INPP5B: variants seen among roughly 807,000 people sequenced by gnomAD.
The protein encoded by INPP5B is type II inositol 1,4,5-trisphosphate 5-phosphatase.
A neutral mutation model predicts 118.5 loss-of-function variants in INPP5B; 90 were observed. The ratio of observed to expected loss-of-function variants is 0.76; its 90% CI spans 0.64 to 0.90. INPP5B has a LOEUF of 0.90. Ranked by LOEUF, INPP5B falls within the 40% of genes least tolerant of loss-of-function variation. The probability of loss-of-function intolerance (pLI) is 0.00; values close to 1 mark genes in which losing one functional copy is unlikely to be tolerated. For synonymous variants in INPP5B, 385 were observed against 418.9 expected, an observed-to-expected ratio of 0.92 and a Z score of 0.99; for missense variants, 984 against 1,125.6, an observed-to-expected ratio of 0.87 and a Z score of 1.80.
At chr1:37,890,892 G>A (rs958680362) in intron 8 of INPP5B, among the ~76,000 whole-genome samples, 2 of 152,020 alleles carry the variant, frequency 1.3e-5, no homozygotes, top group African/African-American at 4.8e-5. Flanking sequence ...AATAAGAGCA[G>A]GGTGCCTGGC....
At chr1:37,920,523 G>A (rs921792685) in intron 7 of INPP5B, among the ~76,000 whole-genome samples, 2 of 151,940 alleles carry the variant, frequency 1.3e-5, no homozygotes, top group African/African-American at 4.8e-5. Context: ...GTATTACCCA[G>A]GTGTGGTGGT....
chr1:37,862,414 G>C lies in INPP5B; in HGVS notation c.2643C>G (p.Ser881Arg). The C allele has an allele frequency of 1.2e-6, 2 of 1,611,782 alleles. No homozygotes were observed. Among genetic ancestry groups the C allele is most frequent in the Non-Finnish European group, 1.7e-6 (2 of 1,177,960 alleles). ...DENILASIFG[S>R]LLLRNPAGHQ... ...GACCAGCTGGGTTTCGAAGCAATAA[G>C]CTGCCAAATATGCTAGCTGCAAGAA... Residue 881 changes from serine (S) to arginine (R), a missense_variant, in exon 24 of 24, where the codon AGC becomes AGG. By Grantham distance (110) the Ser-to-Arg change is moderately radical (BLOSUM62 -1). Transcript: ENST00000373024.
chr1:37,908,509 G>A (rs891166154), intron 7 of INPP5B, among the ~76,000 whole-genome samples: 2 of 151,958 alleles, frequency 1.3e-5, no homozygotes, highest in Non-Finnish European at 2.9e-5. Context: ...GCTAAGAGGC[G>A]GGAGGATAGC....
chr1:37,936,068 AAAAT>A (rs1443818796), intron 6 of INPP5B, among the ~76,000 whole-genome samples: 1 of 151,936 alleles, frequency 6.6e-6, no homozygotes, highest in Non-Finnish European at 1.5e-5. Flanking sequence ...TCCGTATCAA[AAAAT>A]AAATAAATAA....
intron 6 of INPP5B, among the ~76,000 whole-genome samples, chr1:37,932,363 C>CTTTTTTTTTTTTTTTTTTTTT (rs58150703): frequency 1.1e-5 from 1 of 87,808 alleles, no homozygotes; most frequent in Non-Finnish European, 2.2e-5. Flanking sequence ...CTTTTCTTTT[C>CTTTTTTTTTTTTTTTTTTTTT]TTTTTTTTTT....
At chr1:37,910,657 C>A (rs1462495614) in intron 7 of INPP5B, among the ~76,000 whole-genome samples, 1 of 152,112 alleles carries the variant, frequency 6.6e-6, no homozygotes, top group Non-Finnish European at 1.5e-5. Flanking sequence ...CCACAGCACG[C>A]TTTAAAAGGA....
rs545383115 is a variant in INPP5B at position 37,901,001 on chromosome 1, G to A, written c.533-9547C>T. ...TAATTTTTGTATTTTTCGTAGAGAT[G>A]GGATTTCACAATGTTGGTCAGGCTG... On this transcript the variant is annotated intron_variant, in intron 7 of 23. Coordinates refer to ENST00000373024, the MANE Select transcript of INPP5B (RefSeq NM_005540.3). 2.6e-5 allele frequency among the ~76,000 whole-genome samples: 4 copies of A among 152,048 alleles called. No homozygotes were observed. The South Asian group carries it at 6.2e-4, about 24-fold the overall frequency.
At chr1:37,946,216 G>A (rs1406886737) in intron 2 of INPP5B, 36 bp downstream of exon 2, 8 of 1,590,124 alleles carry the variant, frequency 5.0e-6, no homozygotes, top group Non-Finnish European at 6.0e-6. Flanking sequence ...CAAGGCCAGG[G>A]CAGGCTCAGG....
At position 37,883,804 on chromosome 1, in the gene INPP5B, A is replaced by G. The variant is rs927495411; in HGVS notation, c.1320-886T>C. ...TCCAGATAGTTCCACCTCGGCAGGCAGGACAAGAGGCGTTAACTCTGTTTA... is the reference window on the plus strand; with the variant it reads ...TCCAGATAGTTCCACCTCGGCAGGCGGGACAAGAGGCGTTAACTCTGTTTA... On this transcript the variant is annotated intron_variant, in intron 13 of 23. Coordinates refer to ENST00000373024, the MANE Select transcript of INPP5B (RefSeq NM_005540.3). 3 of 985,338 alleles carry G rather than the reference A, an allele frequency of 3.0e-6. No individual in the cohort carries two copies. In the African/African-American group the frequency reaches 5.2e-5, roughly 17 times the overall value. The allele number at this position is 985,338 out of a possible 1,614,324, so 61.0% of individuals were successfully genotyped here.
At chr1:37,946,360 G>A (rs781778109) in intron 1 of INPP5B, 26 bp from the exon 2 acceptor site, 32 of 1,564,898 alleles carry the variant, frequency 2.0e-5, no homozygotes, top group African/African-American at 2.7e-5. Flanking sequence ...TAGGAGCCCC[G>A]CTTTGGTCAA....
At chr1:37,867,363 T>C (rs1261317138) in intron 20 of INPP5B, among the ~76,000 whole-genome samples, 1 of 152,242 alleles carries the variant, frequency 6.6e-6, no homozygotes, top group Non-Finnish European at 1.5e-5. Context: ...GCTCAAAAGT[T>C]CCATTTGAAA....
intron 7 of INPP5B, chr1:37,930,114 T>C (rs1645393509): frequency 6.6e-6 from 1 of 152,160 alleles, no homozygotes; most frequent in South Asian, 2.1e-4. Context: ...CAGCAACTAA[T>C]TCACAGGATC....
At chr1:37,927,930 T>C (rs1413179884) in intron 7 of INPP5B, among the ~76,000 whole-genome samples, 1 of 152,114 alleles carries the variant, frequency 6.6e-6, no homozygotes, top group Non-Finnish European at 1.5e-5. Flanking sequence ...TTTGAAAGAA[T>C]CATCAAAGAT....
At chr1:37,867,492 T>C (rs566218432) in intron 20 of INPP5B, among the ~76,000 whole-genome samples, 53 of 152,290 alleles carry the variant, frequency 3.5e-4, no homozygotes, top group African/African-American at 1.2e-3. Context: ...TTAACCAAGT[T>C]ATTCACCTTT....
chr1:37,919,130 C>A (rs770665402), intron 7 of INPP5B, among the ~76,000 whole-genome samples: 1 of 152,194 alleles, frequency 6.6e-6, no homozygotes, highest in Non-Finnish European at 1.5e-5. Flanking sequence ...AAACTATAAA[C>A]TCCCAAGGGT....
intron 5 of INPP5B, among the ~76,000 whole-genome samples, chr1:37,941,853 G>A (rs1645927691): frequency 7.7e-6 from 1 of 129,984 alleles, no homozygotes. Flanking sequence ...CAGGAGAATG[G>A]CGTGAACCCG....
chr1:37,946,159 G>A, intron 2 of INPP5B, 93 bp downstream of exon 2: 2 of 1,195,812 alleles, frequency 1.7e-6, no homozygotes, highest in Non-Finnish European at 2.4e-6. Context: ...ATGGTTCAGA[G>A]GGGCAGGAGA....
chr1:37,881,188 A>G (rs1224103814), intron 14 of INPP5B, among the ~76,000 whole-genome samples: 2 of 152,268 alleles, frequency 1.3e-5, no homozygotes, highest in Non-Finnish European at 2.9e-5. Context: ...ACATAAAGAT[A>G]GAACTGCGTT....
intron 7 of INPP5B, among the ~76,000 whole-genome samples, chr1:37,901,108 C>A (rs1276075239): frequency 6.6e-6 from 1 of 152,230 alleles, no homozygotes; most frequent in Non-Finnish European, 1.5e-5. Context: ...CCACGCCCGA[C>A]CTGATATTAA....
Sources: allele counts gnomAD v4.1 joint callset (sites outside exome capture counted in the v4.1 genomes callset), GRCh38; gene constraint gnomAD v4.1.1; transcripts MANE v1.5; gene names NCBI Gene and HGNC (gene_info 2026-07-23, HGNC 2026-07-21).